The following ACACA variants were observed in gnomAD, a reference collection of about 807,000 sequenced individuals.
The protein encoded by ACACA is acetyl-CoA carboxylase alpha, also known as acetyl-CoA carboxylase 1.
In ACACA, 103 loss-of-function variants were observed where a neutral mutation model predicts 296.1. The observed-to-expected ratio is 0.35, with a 90% CI of 0.30 to 0.41. The LOEUF is 0.41. ACACA is among the 10% of genes least tolerant of loss of function. The probability of loss-of-function intolerance (pLI) is 1.00; values close to 1 mark genes in which losing one functional copy is unlikely to be tolerated. For missense variants in ACACA, 1,554 were observed against 2,989.7 expected (o/e 0.52, Z 11.20); for synonymous variants, 953 against 1,038.6 (o/e 0.92, Z 1.58).
chr17:37,102,008 C>A (rs1363391101), intron 52 of ACACA, among the ~76,000 whole-genome samples: 1 of 152,168 alleles, frequency 6.6e-6, no homozygotes, highest in Admixed American at 6.5e-5. Context: ...GATCTACACA[C>A]CTACATCTGG....
intron 52 of ACACA, among the ~76,000 whole-genome samples, chr17:37,102,891 A>G (rs1281291572): frequency 6.6e-6 from 1 of 152,212 alleles, no homozygotes; most frequent in Non-Finnish European, 1.5e-5. Context: ...GGAAGATTGC[A>G]GGGCATTCCT....
intron 24 of ACACA, among the ~76,000 whole-genome samples, chr17:37,236,551 G>A (rs2080120872): frequency 6.6e-6 from 1 of 151,780 alleles, no homozygotes. Flanking sequence ...TTGGCTGGGT[G>A]CGGTGGCTCA....
intron 1 of ACACA, among the ~76,000 whole-genome samples, chr17:37,367,226 GAA>G (rs1179320113): frequency 3.0e-5 from 3 of 98,380 alleles, no homozygotes; most frequent in Non-Finnish European, 4.7e-5. Context: ...ATTGGAAAAA[GAA>G]AAAAAAAAAA....
chr17:37,248,614 C>T lies in ACACA; in HGVS notation c.2142G>A (p.Glu714=). The change falls in exon 17 of 56, where the codon GAG becomes GAA. Residue 714 remains glutamate, a synonymous_variant. Coordinates refer to ENST00000616317, the MANE Select transcript of ACACA (RefSeq NM_198834.3). ...LNTVDVELIY[E]GVKYVLKVTR... ...ATACCTTAAGTACATACTTGACTCC[C>T]TCATAGATAAGTTCAACATCTACTG... 6.2e-7 allele frequency: 1 copy of T among 1,610,310 alleles called. No homozygotes were observed. Among genetic ancestry groups the T allele is most frequent in the Non-Finnish European group, 8.5e-7 (1 of 1,177,178 alleles).
intron 45 of ACACA, among the ~76,000 whole-genome samples, chr17:37,146,652 G>T (rs1362285108): frequency 7.4e-6 from 1 of 134,450 alleles, no homozygotes; most frequent in African/African-American, 2.8e-5. Context: ...CCTGAGATGT[G>T]TAAGAGGTGG....
chr17:37,174,004 ATATATATATATATATATTTTTT>A lies in ACACA; in HGVS notation c.5079+5234_5079+5255del, dbSNP rs1300411462. 1.2e-3 allele frequency among the ~76,000 whole-genome samples: 13 copies of A among 11,170 alleles called. 1 individual carries two copies. Among genetic ancestry groups the A allele is most frequent in the African/African-American group, 8.6e-3 (12 of 1,400 alleles). The allele number at this position is 11,170 out of a possible 152,430, so 7.3% of individuals were successfully genotyped here. The stretch of plus-strand genomic sequence containing the variant: ...AATTTATATATATATATATATATAT[ATATATATATATATATATTTTTT>A]TTTTTTTTTTTTTTTGTAGCGATAG... On this transcript the variant is annotated intron_variant, in intron 41 of 55. Transcript: ENST00000616317.
chr17:37,126,952 C>G (rs1182654698), intron 47 of ACACA, among the ~76,000 whole-genome samples: 1 of 152,174 alleles, frequency 6.6e-6, no homozygotes, highest in Non-Finnish European at 1.5e-5. Context: ...TTTAACTTAT[C>G]ACAGGGAATC....
At chr17:37,186,997 G>T (rs2077561994) in intron 39 of ACACA, among the ~76,000 whole-genome samples, 2 of 152,058 alleles carry the variant, frequency 1.3e-5, no homozygotes, top group South Asian at 4.1e-4. Context: ...GAATAGACCT[G>T]CCTTGAAGCT....
At chr17:37,244,016 C>T (rs898276761) in intron 21 of ACACA, among the ~76,000 whole-genome samples, 1 of 152,070 alleles carries the variant, frequency 6.6e-6, no homozygotes, top group Non-Finnish European at 1.5e-5. Context: ...TCATAGAGTA[C>T]TTTGAAATTG....
intron 14 of ACACA, 78 bp downstream of exon 14, chr17:37,257,625 T>C (rs2081281601): frequency 7.0e-7 from 1 of 1,434,906 alleles, no homozygotes; most frequent in African/African-American, 1.4e-5. Flanking sequence ...AGATGATTCC[T>C]ATTCCCATGC....
chr17:37,091,541 G>A (rs879584805), intron 54 of ACACA, among the ~76,000 whole-genome samples: 36 of 152,128 alleles, frequency 2.4e-4, no homozygotes, highest in Non-Finnish European at 4.0e-4. Context: ...CTCCACCTGG[G>A]AAAAGCAAGC....
intron 1 of ACACA, among the ~76,000 whole-genome samples, chr17:37,392,925 C>A (rs1050329698): frequency 6.6e-6 from 1 of 151,836 alleles, no homozygotes; most frequent in Non-Finnish European, 1.5e-5. Flanking sequence ...GGTGGATCAC[C>A]TGAGGTAAGG....
intron 3 of ACACA, among the ~76,000 whole-genome samples, chr17:37,296,301 CTTTTTTTT>C (rs369893845): frequency 3.0e-5 from 3 of 100,374 alleles, no homozygotes; most frequent in African/African-American, 1.3e-4. Context: ...TCTTTGGAGC[CTTTTTTTT>C]TTTTTTTTTT....
At chr17:37,404,244 T>G (rs1165379422) in intron 1 of ACACA, among the ~76,000 whole-genome samples, 1 of 152,242 alleles carries the variant, frequency 6.6e-6, no homozygotes, top group Non-Finnish European at 1.5e-5. Flanking sequence ...GACACAGATA[T>G]GTCCTAAATG....
chr17:37,298,802 C>T (rs769801769), intron 3 of ACACA, among the ~76,000 whole-genome samples: 6 of 152,176 alleles, frequency 3.9e-5, no homozygotes, highest in African/African-American at 7.2e-5. Flanking sequence ...TGAAGGAGTT[C>T]GGCATCCTGA....
rs368681413 is a variant in ACACA, at chr17:37,207,661, C to T, written c.3847G>A (p.Val1283Ile). 5.4e-5 allele frequency: 87 copies of T among 1,613,920 alleles called. 1 individual carries two copies. In the East Asian group the frequency reaches 1.4e-3, roughly 26 times the overall value. ...MVSFRTFEDF[V>I]RIFDEVMGCF... The stretch of plus-strand genomic sequence containing the variant: ...CATAGTTCCACAATGTCTTACCTGA[C>T]AAAATCTTCAAAAGTCCGAAAAGAG... Residue 1283 changes from valine (V) to isoleucine (I), a missense_variant, in exon 31 of 56, where the codon GTC becomes ATC. Around this residue, in one of 16 missense-constraint regions of ACACA, gnomAD observed 179 missense variants for 283.2 expected, o/e 0.63. Transcript: ENST00000616317.
Position 37,403,993 on chromosome 17 carries a change from G to A in ACACA, c.38+2269C>T, listed in dbSNP as rs191816527. ...TCGCCATGTTGCCCAGGCTGATCTT[G>A]AACTACTGGCCTCAAATGATCCATC... is the stretch of plus-strand genomic sequence containing the variant. On this transcript the variant is annotated intron_variant, in intron 1 of 55. Coordinates refer to ENST00000616317, the MANE Select transcript of ACACA (RefSeq NM_198834.3). Among the ~76,000 whole-genome samples, 79 of 152,168 alleles carry A rather than the reference G, an allele frequency of 5.2e-4. 1 individual carries two copies. In the East Asian group the frequency reaches 0.012, roughly 24 times the overall value.
chr17:37,258,811 G>A (rs1008092167), intron 12 of ACACA, among the ~76,000 whole-genome samples: 2 of 152,126 alleles, frequency 1.3e-5, no homozygotes, highest in African/African-American at 2.4e-5. Flanking sequence ...AGGTGTTCTC[G>A]ATGTGGGCAA....
chr17:37,403,150 A>G (rs755417605), intron 1 of ACACA, among the ~76,000 whole-genome samples: 4 of 152,184 alleles, frequency 2.6e-5, no homozygotes, highest in Non-Finnish European at 5.9e-5. Flanking sequence ...GACACCTCCA[A>G]TGAGCTGTAG....
Sources: gnomAD v4.1 joint callset for allele counts (sites outside exome capture counted in the v4.1 genomes callset) on GRCh38, gnomAD v4.1.1 for gene constraint, gnomAD v4.1.1 regional missense constraint, MANE v1.5 for transcripts, NCBI Gene and HGNC (gene_info 2026-07-23, HGNC 2026-07-21) for gene names.